Variants in GRIA3 observed in about 807,000 individuals in gnomAD.
The protein encoded by GRIA3 is glutamate ionotropic receptor AMPA type subunit 3.
A neutral mutation model predicts 63.0 loss-of-function variants in GRIA3; 3 were observed. The observed-to-expected ratio is 0.05, with a 90% confidence interval of 0.02 to 0.12. The LOEUF is 0.12. Among genes scored for constraint, GRIA3 ranks in the 10% least tolerant of loss-of-function variants. GRIA3 has a pLI of 1.00. For missense variants in GRIA3, 347 were observed against 700.9 expected (o/e 0.50, Z 5.70); for synonymous variants, 274 against 257.9 (o/e 1.06, Z -0.60).
At chrX:123,254,422 T>C (rs1008799169) in intron 3 of GRIA3, among the ~76,000 whole-genome samples, 1 of 111,870 alleles carries the variant, frequency 8.9e-6, no homozygotes, top group Non-Finnish European at 1.9e-5. Flanking sequence ...AGGGATTCTA[T>C]CACCAAGACG....
At chrX:123,274,770 G>A (rs778836082) in intron 3 of GRIA3, among the ~76,000 whole-genome samples, 5 of 111,953 alleles carry the variant, frequency 4.5e-5, no homozygotes, top group African/African-American at 1.6e-4. Context: ...CAGACCCCAA[G>A]AGTGACAGTG....
intron 5 of GRIA3, among the ~76,000 whole-genome samples, chrX:123,378,412 C>CTT (rs58776257): frequency 0.11 from 10,117 of 95,220 alleles, 554 homozygotes; most frequent in Non-Finnish European, 0.14. Context: ...ACTTGAGGCA[C>CTT]TTTTTTTTTT....
intron 3 of GRIA3, among the ~76,000 whole-genome samples, chrX:123,315,219 G>A (rs2044823374): frequency 8.9e-6 from 1 of 111,887 alleles, no homozygotes; most frequent in Non-Finnish European, 1.9e-5. Flanking sequence ...ACAATTATAA[G>A]GAATGGAAGT....
chrX:123,455,979 T>G (rs1318442638), intron 12 of GRIA3, among the ~76,000 whole-genome samples: 1 of 111,537 alleles, frequency 9.0e-6, no homozygotes, highest in Non-Finnish European at 1.9e-5. Context: ...AGGCCTTATT[T>G]GGAAACTGCT....
intron 12 of GRIA3, among the ~76,000 whole-genome samples, chrX:123,451,952 TA>T (rs2045734662): frequency 8.9e-6 from 1 of 112,134 alleles, no homozygotes; most frequent in Non-Finnish European, 1.9e-5. Flanking sequence ...AAATAACTTC[TA>T]TAAGTATTAG....
At chrX:123,338,286 C>T (rs962396856) in intron 4 of GRIA3, among the ~76,000 whole-genome samples, 4 of 112,149 alleles carry the variant, frequency 3.6e-5, no homozygotes, top group African/African-American at 6.5e-5. Context: ...GGGTAAATTA[C>T]TGCAACTAAG....
intron 5 of GRIA3, among the ~76,000 whole-genome samples, chrX:123,360,565 A>G (rs1192562280): frequency 3.0e-5 from 3 of 100,945 alleles, no homozygotes; most frequent in Non-Finnish European, 6.0e-5. Context: ...GCATGGTGGC[A>G]TGTGCCTGTA....
intron 2 of GRIA3, among the ~76,000 whole-genome samples, chrX:123,200,010 G>A (rs1222026556): frequency 8.9e-6 from 1 of 111,825 alleles, no homozygotes; most frequent in African/African-American, 3.3e-5. Flanking sequence ...AGTAGCAGAA[G>A]TAAGTTGAGC....
chrX:123,483,329 C>T (rs762513151), intron 15 of GRIA3, among the ~76,000 whole-genome samples: 68 of 110,910 alleles, frequency 6.1e-4, no homozygotes, highest in Non-Finnish European at 1.0e-3. Context: ...ACATGAGCCA[C>T]GTGTGCAATT....
chrX:123,281,857 G>A (rs1216291347), intron 3 of GRIA3, among the ~76,000 whole-genome samples: 1 of 112,093 alleles, frequency 8.9e-6, no homozygotes, highest in Non-Finnish European at 1.9e-5. Context: ...TACCTGCTCT[G>A]TGATGAACAC....
chrX:123,478,618 A>C (rs958418367), intron 13 of GRIA3, among the ~76,000 whole-genome samples: 1 of 112,381 alleles, frequency 8.9e-6, no homozygotes, highest in East Asian at 2.8e-4. Flanking sequence ...TGAGGGAAGA[A>C]AGGAAATAGG....
chrX:123,203,660 C>T (rs1245456174), intron 2 of GRIA3, among the ~76,000 whole-genome samples: 2 of 111,577 alleles, frequency 1.8e-5, no homozygotes, highest in African/African-American at 6.5e-5. Context: ...ATGGCCTATT[C>T]CCCCACTCAT....
At chrX:123,351,032 T>G (rs2147347866) in intron 4 of GRIA3, among the ~76,000 whole-genome samples, 1 of 112,434 alleles carries the variant, frequency 8.9e-6, no homozygotes, top group African/African-American at 3.2e-5. Context: ...ATTTCTTCCT[T>G]AAATTTCATG....
At chrX:123,415,965 G>A (rs1298187712) in intron 10 of GRIA3, among the ~76,000 whole-genome samples, 1 of 111,853 alleles carries the variant, frequency 8.9e-6, no homozygotes, top group Non-Finnish European at 1.9e-5. Flanking sequence ...TATCTATGGA[G>A]TTAGAACATT....
intron 2 of GRIA3, among the ~76,000 whole-genome samples, chrX:123,186,310 A>G (rs1416590044): frequency 4.5e-5 from 5 of 111,118 alleles, no homozygotes; most frequent in Non-Finnish European, 9.4e-5. Context: ...ACTGGGGAAA[A>G]AAAAAGAAAG....
intron 12 of GRIA3, among the ~76,000 whole-genome samples, chrX:123,442,093 AAGGGAC>A: frequency 8.9e-6 from 1 of 112,319 alleles, no homozygotes; most frequent in East Asian, 2.8e-4. Context: ...TGTTAAAGTT[AAGGGAC>A]AGGTACTTGA....
At chrX:123,224,349 C>T (rs1360725966) in intron 2 of GRIA3, among the ~76,000 whole-genome samples, 1 of 111,732 alleles carries the variant, frequency 8.9e-6, no homozygotes, top group Non-Finnish European at 1.9e-5. Flanking sequence ...ACTCTAAGCT[C>T]ATATAGTCAA....
At chrX:123,301,738 C>T (rs1018435707) in intron 3 of GRIA3, among the ~76,000 whole-genome samples, 4 of 111,525 alleles carry the variant, frequency 3.6e-5, no homozygotes, top group Admixed American at 1.9e-4. Flanking sequence ...CTCTTTATTA[C>T]ATAATTTAAA....
At chrX:123,215,589 C>G (rs1265422524) in intron 2 of GRIA3, among the ~76,000 whole-genome samples, 1 of 111,218 alleles carries the variant, frequency 9.0e-6, no homozygotes, top group Non-Finnish European at 1.9e-5. Flanking sequence ...CCCTATGTCG[C>G]AATACTGAAG....
Sources: gnomAD v4.1 joint callset for allele counts (sites outside exome capture counted in the v4.1 genomes callset) on GRCh38, gnomAD v4.1.1 for gene constraint, MANE v1.5 for transcripts, NCBI Gene and HGNC (gene_info 2026-07-23, HGNC 2026-07-21) for gene names.